Variants in WDPCP observed in about 807,000 individuals in gnomAD.
WDPCP encodes the protein WD repeat-containing and planar cell polarity effector protein fritz homolog.
In WDPCP, 71 loss-of-function variants were observed where a neutral mutation model predicts 93.1. The observed-to-expected ratio is 0.76, with a 90% confidence interval of 0.63 to 0.93. WDPCP has a LOEUF of 0.93. Among genes scored for constraint, WDPCP ranks in the 40% least tolerant of loss-of-function variants. The pLI, the probability that WDPCP is intolerant of heterozygous loss-of-function variation, is 0.00. For synonymous variants in WDPCP, 315 were observed against 315.0 expected (o/e 1.00, Z 0.00); for missense variants, 844 against 887.4 (o/e 0.95, Z 0.62).
At chr2:63,565,130 C>CG (rs1706940897) in intron 1 of WDPCP, among the ~76,000 whole-genome samples, 1 of 152,010 alleles carries the variant, frequency 6.6e-6, no homozygotes, top group Admixed American at 6.6e-5. Context: ...GAAAGCAAAA[C>CG]AAGATTTATC....
intron 13 of WDPCP, among the ~76,000 whole-genome samples, chr2:63,291,208 A>AC (rs34448563): frequency 0.81 from 123,162 of 152,124 alleles, 50,649 homozygotes; most frequent in East Asian, 0.96. Flanking sequence ...TTTTAAAAAA[A>AC]ATACAGTTTC....
intron 13 of WDPCP, among the ~76,000 whole-genome samples, chr2:63,300,466 G>A (rs1575092719): frequency 6.6e-6 from 1 of 152,094 alleles, no homozygotes; most frequent in East Asian, 1.9e-4. Context: ...AGAAGTCCTA[G>A]GGCAAATGAA....
chr2:63,313,091 C>T (rs1390816050), intron 13 of WDPCP, among the ~76,000 whole-genome samples, 157 bp downstream of exon 13: 1 of 152,078 alleles, frequency 6.6e-6, no homozygotes, highest in East Asian at 1.9e-4. Flanking sequence ...GGTTATTGAC[C>T]AGTTTCACGA....
intron 11 of WDPCP, among the ~76,000 whole-genome samples, chr2:63,379,001 C>T (rs1317537790): frequency 1.3e-5 from 2 of 151,954 alleles, no homozygotes; most frequent in African/African-American, 2.4e-5. Flanking sequence ...TTAAGACAAC[C>T]GTGAAAGTCC....
chr2:63,487,636 G>T, intron 2 of WDPCP, 142 bp from the exon 3 acceptor site: 2 of 584,846 alleles, frequency 3.4e-6, no homozygotes, highest in Non-Finnish European at 6.1e-6. Flanking sequence ...TGGCTCAAAA[G>T]CATCCGGAGA....
At chr2:63,649,095 T>C (rs945754453) in intron 3 of WDPCP, among the ~76,000 whole-genome samples, 1 of 152,202 alleles carries the variant, frequency 6.6e-6, no homozygotes, top group African/African-American at 2.4e-5. Flanking sequence ...ATATTGACTA[T>C]GGTGAGCAAC....
chr2:63,362,274 T>G (rs1575228815), intron 12 of WDPCP, among the ~76,000 whole-genome samples: 7 of 57,978 alleles, frequency 1.2e-4, no homozygotes, highest in South Asian at 6.9e-4. Context: ...TTTTTTTTTT[T>G]GGTTGTGTGT....
intron 9 of WDPCP, among the ~76,000 whole-genome samples, chr2:63,433,542 C>T (rs1696917820): frequency 6.6e-6 from 1 of 152,114 alleles, no homozygotes; most frequent in South Asian, 2.1e-4. Context: ...AGCATTTGAA[C>T]CTGGAAGCCT....
At chr2:63,388,662 A>T (rs1692949486) in intron 10 of WDPCP, among the ~76,000 whole-genome samples, 1 of 152,174 alleles carries the variant, frequency 6.6e-6, no homozygotes, top group South Asian at 2.1e-4. Flanking sequence ...AAAAAGTTAG[A>T]CGAATGGCTA....
At chr2:63,232,106 A>G (rs1015452959) in intron 14 of WDPCP, among the ~76,000 whole-genome samples, 2 of 152,142 alleles carry the variant, frequency 1.3e-5, no homozygotes, top group Non-Finnish European at 2.9e-5. Flanking sequence ...AATAAATGGT[A>G]CTGGGAAAAC....
rs138967587 is a variant in WDPCP at position 63,542,346 on chromosome 2, C to G, written c.75+45851G>C. Among the ~76,000 whole-genome samples the G allele has an allele frequency of 2.3e-3, 346 of 152,188 alleles. 1 individual carries two copies. The highest frequency in any genetic ancestry group is 6.8e-3 in the Middle Eastern group (2 of 294). ...AAATTAAGTATTCACAGAACAAACA[C>G]TGCAGCTGCAAGAGCAATTCAAATT... On this transcript the variant is annotated intron_variant, in intron 1 of 17. Transcript: ENST00000272321.
chr2:63,734,611 T>G (rs1386555907), intron 2 of WDPCP, among the ~76,000 whole-genome samples: 1 of 152,210 alleles, frequency 6.6e-6, no homozygotes, highest in African/African-American at 2.4e-5. Context: ...AGAGTTAGTG[T>G]TGATCTTTCT....
intron 14 of WDPCP, among the ~76,000 whole-genome samples, chr2:63,193,342 A>T (rs139355887): frequency 1.3e-5 from 2 of 152,342 alleles, no homozygotes; most frequent in African/African-American, 4.8e-5. Flanking sequence ...TGCATTTTAT[A>T]TTCTACTAGA....
chr2:63,153,304 G>A (rs1672005457), intron 16 of WDPCP, among the ~76,000 whole-genome samples, 191 bp downstream of exon 16: 1 of 152,022 alleles, frequency 6.6e-6, no homozygotes, highest in Non-Finnish European at 1.5e-5. Flanking sequence ...ATATTTATTT[G>A]TATGATCATT....
chr2:63,675,918 C>A (rs1710398669), intron 2 of WDPCP, among the ~76,000 whole-genome samples: 1 of 152,136 alleles, frequency 6.6e-6, no homozygotes, highest in South Asian at 2.1e-4. Context: ...TTTAGTTATA[C>A]CAAATATTAA....
At position 63,472,850 on chromosome 2, in the gene WDPCP, G is replaced by A. The variant is rs200073892; in HGVS notation, c.384+11754C>T. On this transcript the variant is annotated intron_variant, in intron 6 of 17. Coordinates refer to ENST00000272321, the MANE Select transcript of WDPCP (RefSeq NM_015910.7). ...GCTAGGATTACAGGCGTGAGCCGCC[G>A]TGCCCAGCCAATTATTCCTTGTTAA... Among the ~76,000 whole-genome samples, 16 of 152,304 alleles carry A rather than the reference G, an allele frequency of 1.1e-4. No individual in the cohort carries two copies. The South Asian group carries it at 2.1e-3, about 20-fold the overall frequency.
At chr2:63,122,222 G>A (rs1669591581) in intron 17 of WDPCP, among the ~76,000 whole-genome samples, 166 bp from the exon 18 acceptor site, 1 of 151,976 alleles carries the variant, frequency 6.6e-6, no homozygotes, top group African/African-American at 2.4e-5. Context: ...TACCTGACTT[G>A]GTCATCAAAA....
chr2:63,366,228 G>A (rs536078538), intron 12 of WDPCP, among the ~76,000 whole-genome samples: 2 of 152,240 alleles, frequency 1.3e-5, no homozygotes, highest in East Asian at 1.9e-4. Context: ...CTTCAAGGGA[G>A]CAAAAGTTGG....
chr2:63,302,800 C>A (rs1443886394), intron 13 of WDPCP, among the ~76,000 whole-genome samples: 1 of 152,144 alleles, frequency 6.6e-6, no homozygotes, highest in Non-Finnish European at 1.5e-5. Context: ...AGACCCAGGA[C>A]CCCATACGAC....
Sources: gnomAD v4.1 joint callset for allele counts (sites outside exome capture counted in the v4.1 genomes callset) on GRCh38, gnomAD v4.1.1 for gene constraint, MANE v1.5 for transcripts, NCBI Gene and HGNC (gene_info 2026-07-23, HGNC 2026-07-21) for gene names.